Variants in PPARGC1A observed in about 807,000 individuals in gnomAD.
PPARGC1A encodes peroxisome proliferator-activated receptor gamma coactivator 1-alpha.
A neutral mutation model predicts 88.7 loss-of-function variants in PPARGC1A; 25 were observed. That is an observed-to-expected ratio of 0.28 (90% CI 0.21 to 0.39). The LOEUF is 0.39. PPARGC1A is among the 10% of genes least tolerant of loss of function. The pLI is 1.00. For synonymous variants in PPARGC1A, 363 were observed against 355.6 expected (o/e 1.02, Z -0.24); for missense variants, 880 against 968.7 (o/e 0.91, Z 1.22).
intron 2 of PPARGC1A, among the ~76,000 whole-genome samples, chr4:23,860,939 A>C (rs1731138910): frequency 6.6e-6 from 1 of 152,184 alleles, no homozygotes; most frequent in African/African-American, 2.4e-5. Flanking sequence ...TCCCAGGAAA[A>C]ACAATAATGT....
chr4:24,175,143 CAT>C, the PPARGC1A span, among the ~76,000 whole-genome samples: 1 of 152,106 alleles, frequency 6.6e-6, no homozygotes, highest in East Asian at 1.9e-4. Flanking sequence ...CATTAGAAAA[CAT>C]ATCATTTACC....
At chr4:24,188,605 G>C in the PPARGC1A span, among the ~76,000 whole-genome samples, 1 of 152,074 alleles carries the variant, frequency 6.6e-6, no homozygotes, top group African/African-American at 2.4e-5. Context: ...TAACCACCTT[G>C]CACCCATAAG....
At chr4:24,341,853 C>T in the PPARGC1A span, among the ~76,000 whole-genome samples, 1 of 152,276 alleles carries the variant, frequency 6.6e-6, no homozygotes, top group East Asian at 1.9e-4. Flanking sequence ...AAGGTGCTCA[C>T]TAAATATCTA....
At chr4:23,890,863 G>T (rs1375803645), upstream of PPARGC1A, among the ~76,000 whole-genome samples, 1 of 152,072 alleles carries the variant, frequency 6.6e-6, no homozygotes. Flanking sequence ...TACAGTCGCT[G>T]CTGCTCTGCT....
chr4:24,101,458 T>C, the PPARGC1A span, among the ~76,000 whole-genome samples: 1 of 152,232 alleles, frequency 6.6e-6, no homozygotes, highest in African/African-American at 2.4e-5. Context: ...TTTCAGATTT[T>C]AAGTGTGCCT....
chr4:23,865,421 C>T (rs1213221491), intron 2 of PPARGC1A, among the ~76,000 whole-genome samples: 1 of 152,110 alleles, frequency 6.6e-6, no homozygotes, highest in Non-Finnish European at 1.5e-5. Flanking sequence ...TCACACATAA[C>T]CAAGGGTAGT....
the PPARGC1A span, among the ~76,000 whole-genome samples, chr4:24,057,887 T>C: frequency 4.6e-5 from 7 of 152,276 alleles, no homozygotes; most frequent in African/African-American, 1.7e-4. Flanking sequence ...GTTTGGTTGG[T>C]TGGTGGTTCC....
chr4:24,387,902 A>G, the PPARGC1A span, among the ~76,000 whole-genome samples: 4 of 40,446 alleles, frequency 9.9e-5, no homozygotes, highest in Admixed American at 3.2e-4. Flanking sequence ...AAGAAAAAGA[A>G]AGAGAAAGAA....
the PPARGC1A span, among the ~76,000 whole-genome samples, chr4:24,446,073 T>A: frequency 1.3e-5 from 2 of 151,790 alleles, no homozygotes; most frequent in African/African-American, 4.8e-5. Flanking sequence ...CTCAAAAAAA[T>A]AAAAATAAAA....
the PPARGC1A span, among the ~76,000 whole-genome samples, chr4:24,433,360 G>T: frequency 1.3e-5 from 2 of 151,990 alleles, no homozygotes; most frequent in Non-Finnish European, 2.9e-5. Flanking sequence ...CTTCGCTCTG[G>T]GGGGGACAGG....
chr4:24,347,652 G>GTGTT, the PPARGC1A span, among the ~76,000 whole-genome samples: 1 of 152,100 alleles, frequency 6.6e-6, no homozygotes, highest in African/African-American at 2.4e-5. Context: ...GAGTCCTTAT[G>GTGTT]TGTTAGGTGA....
chr4:23,844,374 G>T (rs145088455), intron 2 of PPARGC1A, among the ~76,000 whole-genome samples: 3,258 of 130,210 alleles, frequency 0.025, 83 homozygotes, highest in African/African-American at 0.07. Context: ...ATATATTATA[G>T]ATTATAATAT....
chr4:24,472,326 G>C, the PPARGC1A span, among the ~76,000 whole-genome samples: 6 of 146,856 alleles, frequency 4.1e-5, no homozygotes, highest in Non-Finnish European at 6.0e-5. The surrounding 1 kb of genome is among the most constrained non-coding windows in gnomAD (Gnocchi z 4.5). Flanking sequence ...GTGAGCGCGC[G>C]GCAGGGGGCA....
At chr4:24,427,857 T>C in the PPARGC1A span, among the ~76,000 whole-genome samples, 1 of 152,112 alleles carries the variant, frequency 6.6e-6, no homozygotes, top group African/African-American at 2.4e-5. Flanking sequence ...ACACCTATAT[T>C]CCCAGTGCTT....
the PPARGC1A span, among the ~76,000 whole-genome samples, chr4:24,414,277 C>T: frequency 6.6e-6 from 1 of 152,124 alleles, no homozygotes. Flanking sequence ...AGCCTGGGTA[C>T]ATTTGCTTTT....
chr4:24,460,712 C>T, the PPARGC1A span, among the ~76,000 whole-genome samples: 2 of 152,282 alleles, frequency 1.3e-5, no homozygotes, highest in African/African-American at 4.8e-5. Context: ...CTTCGTTTGA[C>T]ATCACACAAA....
intron 10 of PPARGC1A, among the ~76,000 whole-genome samples, chr4:23,812,359 C>T (rs369018255): frequency 2.6e-5 from 4 of 152,046 alleles, no homozygotes; most frequent in African/African-American, 4.8e-5. Flanking sequence ...AAAACTGAAA[C>T]GAGATAGCAA....
chr4:23,844,332 CTA>C (rs1279684324), intron 2 of PPARGC1A, among the ~76,000 whole-genome samples: 2 of 126,888 alleles, frequency 1.6e-5, no homozygotes, highest in African/African-American at 5.7e-5. Flanking sequence ...TAATCATAAA[CTA>C]TATTATATAT....
the PPARGC1A span, among the ~76,000 whole-genome samples, chr4:23,964,852 G>C: frequency 1.3e-5 from 2 of 152,038 alleles, no homozygotes; most frequent in Admixed American, 6.6e-5. Flanking sequence ...AGAGAGGAGA[G>C]TTTCAATAGT....
Sources: gnomAD v4.1 joint callset for allele counts (sites outside exome capture counted in the v4.1 genomes callset) on GRCh38, gnomAD v4.1.1 for gene constraint, Gnocchi (gnomAD v3.1) non-coding constraint, MANE v1.5 for transcripts, NCBI Gene and HGNC (gene_info 2026-07-23, HGNC 2026-07-21) for gene names.